CCDC13: variants seen among roughly 807,000 people sequenced by gnomAD.
CCDC13 encodes coiled-coil domain containing 13.
In CCDC13, 70 loss-of-function variants were observed where a neutral mutation model predicts 87.3. The ratio of observed to expected loss-of-function variants is 0.80; its 90% CI spans 0.66 to 0.98. The LOEUF (loss-of-function observed/expected upper bound fraction) is 0.98, where lower values mean the gene tolerates loss of function less well. CCDC13 is among the 50% of genes least tolerant of loss of function. The pLI is 0.00. For synonymous variants in CCDC13, 317 were observed against 360.3 expected, an observed-to-expected ratio of 0.88 and a Z score of 1.36; for missense variants, 842 against 892.0, an observed-to-expected ratio of 0.94 and a Z score of 0.71.
At chr3:42,715,170 G>T (rs1233462982) in intron 13 of CCDC13, among the ~76,000 whole-genome samples, 2 of 151,648 alleles carry the variant, frequency 1.3e-5, no homozygotes, top group Non-Finnish European at 2.9e-5. Flanking sequence ...TTAGCTAGGT[G>T]TGGTGGCATG....
At chr3:42,740,710 G>T (rs1461365836) in intron 8 of CCDC13, among the ~76,000 whole-genome samples, 1 of 152,190 alleles carries the variant, frequency 6.6e-6, no homozygotes, top group Non-Finnish European at 1.5e-5. Context: ...AAGGTGTGTG[G>T]CTGGAGCACA....
intron 5 of CCDC13, among the ~76,000 whole-genome samples, chr3:42,751,068 G>C (rs1699565615): frequency 6.6e-6 from 1 of 152,202 alleles, no homozygotes; most frequent in Non-Finnish European, 1.5e-5. Flanking sequence ...CGGAACCTGA[G>C]GGGCCCATCA....
chr3:42,758,435 C>G (rs140060015), intron 1 of CCDC13, 84 bp from the exon 2 acceptor site: 6 of 1,359,824 alleles, frequency 4.4e-6, no homozygotes, highest in African/African-American at 4.3e-5. Context: ...GCAGCCCCAG[C>G]CTTGGAGTTT....
intron 12 of CCDC13, 98 bp from the exon 13 acceptor site, chr3:42,730,687 G>T: frequency 2.7e-6 from 4 of 1,487,546 alleles, no homozygotes; most frequent in South Asian, 1.2e-5. Flanking sequence ...GACATTCAGG[G>T]CGAATGTCAG....
intron 13 of CCDC13, among the ~76,000 whole-genome samples, chr3:42,713,581 C>G (rs1375979502): frequency 6.6e-6 from 1 of 152,218 alleles, no homozygotes; most frequent in Non-Finnish European, 1.5e-5. Context: ...ACACTTCTAG[C>G]TGTTTCTTTT....
chr3:42,704,961 G>C (rs2125863410), downstream of CCDC13: 1 of 152,376 alleles, frequency 6.6e-6, no homozygotes, highest in East Asian at 1.9e-4. Context: ...AAAGTATCCT[G>C]TGTGTTTGCA....
At chr3:42,746,089 G>T in intron 6 of CCDC13, 62 bp from the exon 7 acceptor site, 14 of 1,182,532 alleles carry the variant, frequency 1.2e-5, no homozygotes, top group Non-Finnish European at 1.5e-5. Flanking sequence ...CCCTGATGCT[G>T]CTACGTATTT....
intron 14 of CCDC13, among the ~76,000 whole-genome samples, chr3:42,712,900 C>T (rs1019275052): frequency 3.3e-5 from 5 of 152,224 alleles, no homozygotes; most frequent in Admixed American, 6.5e-5. Context: ...TGGGGGCATT[C>T]AGCACTGCCA....
chr3:42,749,866 C>T lies in CCDC13; in HGVS notation c.603+2070G>A. 2 of 456,738 alleles carry T rather than the reference C, an allele frequency of 4.4e-6. 1 individual carries two copies. The highest frequency in any genetic ancestry group is 3.1e-5 in the South Asian group (2 of 64,568). 28.3% of individuals were successfully genotyped at this position (456,738 alleles called of 1,614,324 possible). A position where few individuals can be genotyped will look rare whatever the true frequency, so the allele number is the denominator to read the frequency against. On this transcript the variant is annotated intron_variant, in intron 5 of 15. Transcript: ENST00000310232. Reference sequence around the variant, plus strand: ...GCAGAGGGAAGGGTGTTCAGCTCCACTCTGGAATGTGCTTTGGAGGCCTAG... The same window carrying T: ...GCAGAGGGAAGGGTGTTCAGCTCCATTCTGGAATGTGCTTTGGAGGCCTAG...
At chr3:42,743,604 C>T (rs1419952134) in intron 7 of CCDC13, among the ~76,000 whole-genome samples, 42 of 74,492 alleles carry the variant, frequency 5.6e-4, no homozygotes, top group African/African-American at 1.3e-3. Context: ...TATATATACA[C>T]ACACACATAT....
intron 13 of CCDC13, among the ~76,000 whole-genome samples, chr3:42,716,437 A>G (rs1471528886): frequency 6.6e-6 from 1 of 152,252 alleles, no homozygotes; most frequent in African/African-American, 2.4e-5. Context: ...AAGTTACCAC[A>G]AATAGTGGCT....
chr3:42,743,610 C>CACACACACACATAT (rs1261467201), intron 7 of CCDC13, among the ~76,000 whole-genome samples: 3 of 87,648 alleles, frequency 3.4e-5, no homozygotes, highest in African/African-American at 1.4e-4. Flanking sequence ...TACACACACA[C>CACACACACACATAT]ATATATATAT....
intron 1 of CCDC13, chr3:42,770,962 C>G (rs928482021): frequency 2.0e-5 from 3 of 152,136 alleles, no homozygotes; most frequent in African/African-American, 7.2e-5. Context: ...ACACTCACCG[C>G]GAGGGTCTGC....
Position 42,745,966 on chromosome 3 carries a change from G to A in CCDC13, c.782C>T (p.Thr261Ile). 6.2e-7 allele frequency: 1 copy of A among 1,614,112 alleles called. No homozygotes were observed. Among genetic ancestry groups the A allele is most frequent in the Admixed American group, 1.7e-5 (1 of 60,020 alleles). Residue 261 changes from threonine to isoleucine, a missense_variant, in exon 7 of 16, where the codon ACC becomes ATC. Physicochemically the swap from Thr to Ile is moderately conservative, Grantham distance 89. Transcript: ENST00000310232. ...AATTTGTTGAGCCCGACCCCTCCAG[G>A]TCCCTGGCGAAGATAGGAGCTGCTG... ...NVQQLLSSPG[T>I]WRGRAQQILV... is the part of the protein sequence containing the mutation.
At chr3:42,771,190 T>A (rs1484601399) in intron 1 of CCDC13, 1 of 152,208 alleles carries the variant, frequency 6.6e-6, no homozygotes, top group South Asian at 2.1e-4. Flanking sequence ...TATTGTTAAG[T>A]GAAGAAGCCG....
At chr3:42,761,319 A>G (rs1189760042) in intron 1 of CCDC13, among the ~76,000 whole-genome samples, 1 of 152,190 alleles carries the variant, frequency 6.6e-6, no homozygotes, top group African/African-American at 2.4e-5. Context: ...TCCCCCAGAC[A>G]TCTACCTTAC....
At chr3:42,746,492 G>T in intron 6 of CCDC13, 1 of 167,986 alleles carries the variant, frequency 6.0e-6, no homozygotes, top group East Asian at 1.6e-4. Context: ...CAGTTGGGGT[G>T]CTGTGGTCCA....
chr3:42,721,750 T>C (rs574727587), intron 13 of CCDC13, among the ~76,000 whole-genome samples: 5 of 152,392 alleles, frequency 3.3e-5, no homozygotes, highest in African/African-American at 1.2e-4. Context: ...TTGGTTATTT[T>C]ACCAAAACTT....
At chr3:42,715,024 T>C (rs1698396088) in intron 13 of CCDC13, among the ~76,000 whole-genome samples, 1 of 151,732 alleles carries the variant, frequency 6.6e-6, no homozygotes, top group Non-Finnish European at 1.5e-5. Flanking sequence ...GGGCCCGGGG[T>C]CCCACACCTG....
Sources: allele counts gnomAD v4.1 joint callset (sites outside exome capture counted in the v4.1 genomes callset), GRCh38; gene constraint gnomAD v4.1.1; transcripts MANE v1.5; gene names NCBI Gene and HGNC (gene_info 2026-07-23, HGNC 2026-07-21).